The following SYT1 variants were observed in gnomAD, a reference collection of about 807,000 sequenced individuals.
SYT1 encodes synaptotagmin-1.
SYT1 carries 8 observed loss-of-function variants against 44.8 expected under a neutral mutation model. The observed-to-expected ratio is 0.18, with a 90% CI of 0.10 to 0.32. The LOEUF is 0.32. SYT1 is among the 10% of genes least tolerant of loss of function. The pLI, the probability that SYT1 is intolerant of heterozygous loss-of-function variation, is 1.00. For synonymous variants in SYT1, 154 were observed against 188.8 expected (o/e 0.82, Z 1.51); for missense variants, 286 against 509.3 (o/e 0.56, Z 4.22).
At chr12:79,044,621 C>T (rs1183194329) in intron 2 of SYT1, among the ~76,000 whole-genome samples, 1 of 149,344 alleles carries the variant, frequency 6.7e-6, no homozygotes, top group Non-Finnish European at 1.5e-5. Context: ...GCCTTCTTCT[C>T]TCAGCTCGTC....
At chr12:79,220,129 T>C (rs2138573687) in intron 4 of SYT1, among the ~76,000 whole-genome samples, 1 of 152,210 alleles carries the variant, frequency 6.6e-6, no homozygotes, top group East Asian at 1.9e-4. Flanking sequence ...ACTCTATTTC[T>C]TCATAATTCA....
chr12:78,963,677 T>A (rs1164536988), intron 1 of SYT1, among the ~76,000 whole-genome samples: 1 of 152,000 alleles, frequency 6.6e-6, no homozygotes, highest in Non-Finnish European at 1.5e-5. Flanking sequence ...AAAAAACAGA[T>A]GCTGGCAAGG....
intron 6 of SYT1, among the ~76,000 whole-genome samples, chr12:79,292,639 G>C (rs1879644995): frequency 6.6e-6 from 1 of 152,112 alleles, no homozygotes; most frequent in African/African-American, 2.4e-5. Flanking sequence ...TATGATACTA[G>C]GTGAAACTCC....
intron 3 of SYT1, among the ~76,000 whole-genome samples, chr12:79,173,256 G>A (rs932707795): frequency 3.9e-5 from 6 of 151,942 alleles, no homozygotes; most frequent in Non-Finnish European, 8.8e-5. Context: ...ATGCTCCCCT[G>A]CAAGTTCCCT....
At chr12:79,150,163 A>G (rs764408493) in intron 3 of SYT1, among the ~76,000 whole-genome samples, 2 of 152,096 alleles carry the variant, frequency 1.3e-5, no homozygotes, top group Non-Finnish European at 2.9e-5. Context: ...GAGAGCATTT[A>G]AAATCTACTC....
At chr12:79,147,330 A>T (rs895754120) in intron 3 of SYT1, among the ~76,000 whole-genome samples, 1 of 152,166 alleles carries the variant, frequency 6.6e-6, no homozygotes, top group African/African-American at 2.4e-5. Context: ...TGAAAAGGAA[A>T]GACAGGCCTT....
intron 1 of SYT1, among the ~76,000 whole-genome samples, chr12:78,913,115 TGAA>T (rs1876437461): frequency 6.6e-6 from 1 of 151,864 alleles, no homozygotes; most frequent in Non-Finnish European, 1.5e-5. Flanking sequence ...AAAATTCTTA[TGAA>T]GAAGGCTTAT....
chr12:78,871,628 A>G (rs919099956), intron 1 of SYT1, among the ~76,000 whole-genome samples: 19 of 152,096 alleles, frequency 1.2e-4, no homozygotes, highest in Admixed American at 1.2e-3. Flanking sequence ...ATTAAGGGAC[A>G]GTTGAGCTCT....
chr12:79,410,441 A>G (rs1472807512), intron 9 of SYT1, among the ~76,000 whole-genome samples: 2 of 144,278 alleles, frequency 1.4e-5, no homozygotes, highest in Non-Finnish European at 3.0e-5. Flanking sequence ...CCCCTTCCTC[A>G]TCTCTCTTTT....
chr12:79,183,074 G>C (rs977949783), intron 3 of SYT1, among the ~76,000 whole-genome samples: 4 of 152,040 alleles, frequency 2.6e-5, no homozygotes, highest in Non-Finnish European at 5.9e-5. Flanking sequence ...GTCAGCAAAT[G>C]TTTATTGTGC....
At chr12:78,961,722 A>G (rs1029438674) in intron 1 of SYT1, among the ~76,000 whole-genome samples, 3 of 152,192 alleles carry the variant, frequency 2.0e-5, no homozygotes, top group Admixed American at 1.3e-4. Flanking sequence ...GGCTCTTAGT[A>G]CAGATAAAAT....
intron 1 of SYT1, among the ~76,000 whole-genome samples, chr12:78,866,227 G>A (rs10506790): frequency 0.017 from 2,600 of 152,110 alleles, 52 homozygotes; most frequent in Non-Finnish European, 0.021. Context: ...TTATTGTCTG[G>A]ATACCAAACT....
intron 9 of SYT1, among the ~76,000 whole-genome samples, chr12:79,384,217 A>G (rs969369024): frequency 6.6e-6 from 1 of 152,204 alleles, no homozygotes; most frequent in Non-Finnish European, 1.5e-5. Context: ...AGATTCAAGT[A>G]TTGCTATTTG....
At chr12:78,928,943 T>G (rs1282474508) in intron 1 of SYT1, among the ~76,000 whole-genome samples, 2 of 152,164 alleles carry the variant, frequency 1.3e-5, no homozygotes, top group Non-Finnish European at 2.9e-5. Context: ...ACATAAGATA[T>G]ACAGCATAGC....
chr12:78,891,756 A>C (rs1302082788), intron 1 of SYT1, among the ~76,000 whole-genome samples: 2 of 151,866 alleles, frequency 1.3e-5, no homozygotes, highest in African/African-American at 4.8e-5. Flanking sequence ...AAGGACACAA[A>C]TCATGGCTGT....
intron 3 of SYT1, among the ~76,000 whole-genome samples, chr12:79,146,048 C>A (rs890489611): frequency 1.3e-5 from 2 of 152,130 alleles, no homozygotes; most frequent in Non-Finnish European, 2.9e-5. Context: ...TGAGCCACCG[C>A]GCCCGGCCTA....
At chr12:79,004,049 C>G (rs1870916757) in intron 2 of SYT1, among the ~76,000 whole-genome samples, 1 of 151,594 alleles carries the variant, frequency 6.6e-6, no homozygotes, top group Non-Finnish European at 1.5e-5. Context: ...ATCTAATGAC[C>G]CTCCTTTTTA....
chr12:79,033,415 T>G (rs1246066242), intron 2 of SYT1, among the ~76,000 whole-genome samples: 2 of 151,456 alleles, frequency 1.3e-5, no homozygotes, highest in Non-Finnish European at 3.0e-5. Flanking sequence ...ATTACATTAC[T>G]TTAAAAACAT....
At chr12:79,155,758 CTT>C (rs1352881236) in intron 3 of SYT1, among the ~76,000 whole-genome samples, 2 of 152,200 alleles carry the variant, frequency 1.3e-5, no homozygotes, top group African/African-American at 2.4e-5. Flanking sequence ...CTCTGACAGA[CTT>C]TTAGTGATGA....
Sources: allele counts gnomAD v4.1 joint callset (sites outside exome capture counted in the v4.1 genomes callset), GRCh38; gene constraint gnomAD v4.1.1; transcripts MANE v1.5; gene names NCBI Gene and HGNC (gene_info 2026-07-23, HGNC 2026-07-21).